The following NR1D2 variants were observed in gnomAD, a reference collection of about 807,000 sequenced individuals.
NR1D2 encodes the protein V-erbA-related protein 1-related.
A neutral mutation model predicts 52.2 loss-of-function variants in NR1D2; 25 were observed. The ratio of observed to expected loss-of-function variants is 0.48; its 90% CI spans 0.35 to 0.67. The LOEUF (loss-of-function observed/expected upper bound fraction) is 0.67, where lower values mean the gene tolerates loss of function less well. Among genes scored for constraint, NR1D2 ranks in the 30% least tolerant of loss-of-function variants. The probability of loss-of-function intolerance (pLI) is 0.01; values close to 1 mark genes in which losing one functional copy is unlikely to be tolerated. For missense variants in NR1D2, 681 were observed against 707.2 expected (o/e 0.96, Z 0.42); for synonymous variants, 259 against 230.1 (o/e 1.13, Z -1.14).
Position 23,977,040 on chromosome 3 carries a change from A to G in NR1D2, c.1544-183A>G, listed in dbSNP as rs137924384. On this transcript the variant is annotated intron_variant, in intron 7 of 7. Transcript: ENST00000312521. ...TTATGTGATATATATGCTTTATAAT[A>G]TAGTAACTAGCTAACGATTTGTTAC... 1.5e-3 allele frequency among the ~76,000 whole-genome samples: 228 copies of G among 152,302 alleles called. 1 individual carries two copies. Among genetic ancestry groups the G allele is most frequent in the African/African-American group, 5.3e-3 (220 of 41,572 alleles).
chr3:23,975,143 C>T (rs1706688348), intron 7 of NR1D2, among the ~76,000 whole-genome samples: 1 of 151,852 alleles, frequency 6.6e-6, no homozygotes, highest in Non-Finnish European at 1.5e-5. Flanking sequence ...TTTTTTGAGA[C>T]AGCATCTCGC....
At chr3:23,968,437 T>C (rs1203811416) in intron 7 of NR1D2, among the ~76,000 whole-genome samples, 1 of 152,250 alleles carries the variant, frequency 6.6e-6, no homozygotes, top group Non-Finnish European at 1.5e-5. Flanking sequence ...TGTGGTTTGT[T>C]GCAGAGAAAT....
chr3:23,945,959 G>A (rs2125276529), intron 1 of NR1D2, among the ~76,000 whole-genome samples: 1 of 151,580 alleles, frequency 6.6e-6, no homozygotes, highest in East Asian at 2.0e-4. Flanking sequence ...GCGGCGGCGG[G>A]CGGGGACACG....
chr3:23,957,407 T>G (rs1213691738), intron 3 of NR1D2, among the ~76,000 whole-genome samples: 1 of 147,344 alleles, frequency 6.8e-6, no homozygotes, highest in South Asian at 2.1e-4. Context: ...TTTTTTTTTT[T>G]TTTTTTTTAC....
intron 7 of NR1D2, among the ~76,000 whole-genome samples, chr3:23,975,451 A>T (rs1487694477): frequency 6.6e-6 from 1 of 152,124 alleles, no homozygotes; most frequent in Non-Finnish European, 1.5e-5. Flanking sequence ...ATTAACATAT[A>T]GTTGTAATGT....
chr3:23,965,232 A>ATTT, intron 6 of NR1D2, 70 bp downstream of exon 6: 10 of 686,870 alleles, frequency 1.5e-5, no homozygotes, highest in South Asian at 8.9e-5. Context: ...GGATGTTTTA[A>ATTT]TTCTTTTTTT....
intron 3 of NR1D2, 83 bp downstream of exon 3, chr3:23,956,208 T>C: frequency 9.3e-7 from 1 of 1,069,926 alleles, no homozygotes; most frequent in South Asian, 1.3e-5. Context: ...GTGCAATTGA[T>C]AGTCTGAGAG....
In NR1D2 at chr3:23,978,495, A is replaced by G. The variant is rs1185183466; in HGVS notation, c.*1076A>G. 2 of 152,152 alleles carry G rather than the reference A, an allele frequency of 1.3e-5. No individual in the cohort carries two copies. The highest frequency in any genetic ancestry group is 2.9e-5 in the Non-Finnish European group (2 of 68,002). 9.4% of individuals were successfully genotyped at this position (152,152 alleles called of 1,614,324 possible). On this transcript the variant is annotated 3_prime_UTR_variant, in exon 8 of 8. Transcript: ENST00000312521. Reference sequence around the variant, plus strand: ...TCCAAATTTCAACGACAAAAAAAAAAAACATGTATTTTAGAGTTCATCTTT... The same window carrying G: ...TCCAAATTTCAACGACAAAAAAAAAGAACATGTATTTTAGAGTTCATCTTT...
At chr3:23,955,018 G>A (rs1352949332) in intron 2 of NR1D2, among the ~76,000 whole-genome samples, 1 of 152,224 alleles carries the variant, frequency 6.6e-6, no homozygotes, top group Non-Finnish European at 1.5e-5. Context: ...CAAGACATGT[G>A]ATTATGTACT....
At chr3:23,971,192 C>A (rs1315033665) in intron 7 of NR1D2, among the ~76,000 whole-genome samples, 1 of 152,112 alleles carries the variant, frequency 6.6e-6, no homozygotes, top group African/African-American at 2.4e-5. Context: ...TTTCCTCTTT[C>A]CTCCACCCCA....
At position 23,968,011 on chromosome 3, in the gene NR1D2, C is replaced by T; in HGVS notation, c.1531C>T (p.Leu511=). 3.7e-6 allele frequency: 6 copies of T among 1,613,986 alleles called. No homozygotes were observed. Among genetic ancestry groups the T allele is most frequent in the Non-Finnish European group, 5.1e-6 (6 of 1,179,886 alleles). The change falls in exon 7 of 8, where the codon CTG becomes TTG. Residue 511 remains leucine, a synonymous_variant. Coordinates refer to ENST00000312521, the MANE Select transcript of NR1D2 (RefSeq NM_005126.5). The part of the protein sequence containing the change: ...EEMSLFTAVV[L]VSADRSGIEN... ...GATGAGTTTGTTTACAGCTGTTGTC[C>T]TGGTATCTGCAGGTAAGCAAGCTGG...
At chr3:23,946,848 AATG>A (rs778081720) in intron 1 of NR1D2, among the ~76,000 whole-genome samples, 5 of 152,224 alleles carry the variant, frequency 3.3e-5, no homozygotes, top group East Asian at 1.9e-4. Context: ...GTCTGCCCCA[AATG>A]ATGAGGTAGA....
At chr3:23,951,167 A>G (rs534185926) in intron 1 of NR1D2, among the ~76,000 whole-genome samples, 67 of 152,224 alleles carry the variant, frequency 4.4e-4, no homozygotes, top group African/African-American at 1.5e-3. Flanking sequence ...GGCCTCCCAA[A>G]GTGCTGAGGT....
At chr3:23,953,688 C>G (rs72627098) in intron 1 of NR1D2, among the ~76,000 whole-genome samples, 4 of 152,154 alleles carry the variant, frequency 2.6e-5, no homozygotes, top group African/African-American at 7.2e-5. Flanking sequence ...GGCTGTGAAA[C>G]GATCCCTGTT....
chr3:23,946,051 T>C, intron 1 of NR1D2: 3 of 964,974 alleles, frequency 3.1e-6, no homozygotes, highest in Non-Finnish European at 3.7e-6. Flanking sequence ...GCGCGCTGGC[T>C]GGGAGCGCCG....
At chr3:23,952,876 A>G (rs762610318) in intron 1 of NR1D2, among the ~76,000 whole-genome samples, 9 of 151,946 alleles carry the variant, frequency 5.9e-5, no homozygotes, top group East Asian at 1.9e-4. Context: ...TCTTAGCCTC[A>G]ATATATATAA....
At chr3:23,958,550 G>T (rs1273160896) in intron 3 of NR1D2, among the ~76,000 whole-genome samples, 1 of 151,060 alleles carries the variant, frequency 6.6e-6, no homozygotes, top group Non-Finnish European at 1.5e-5. Context: ...TGAGGCAGAA[G>T]GATTGCTTGA....
At chr3:23,956,623 T>C (rs1444623498) in intron 3 of NR1D2, among the ~76,000 whole-genome samples, 3 of 152,246 alleles carry the variant, frequency 2.0e-5, no homozygotes, top group Non-Finnish European at 4.4e-5. Context: ...TAATGCCAAG[T>C]GAGTAAAATA....
intron 1 of NR1D2, chr3:23,946,262 A>G (rs1705703196): frequency 5.1e-6 from 5 of 985,438 alleles, no homozygotes; most frequent in Non-Finnish European, 6.0e-6. Context: ...AGGTGACCCC[A>G]AGGCGCGGAC....
Sources: allele counts gnomAD v4.1 joint callset (sites outside exome capture counted in the v4.1 genomes callset), GRCh38; gene constraint gnomAD v4.1.1; transcripts MANE v1.5; gene names NCBI Gene and HGNC (gene_info 2026-07-23, HGNC 2026-07-21).